The following NAALADL2 variants were observed in gnomAD, a reference collection of about 807,000 sequenced individuals.
NAALADL2 encodes inactive N-acetylated-alpha-linked acidic dipeptidase-like protein 2.
NAALADL2 carries 76 observed loss-of-function variants against 87.2 expected under a neutral mutation model. The observed-to-expected ratio is 0.87, with a 90% CI of 0.72 to 1.05. The LOEUF (loss-of-function observed/expected upper bound fraction) is 1.05, where lower values mean the gene tolerates loss of function less well. Ranked by LOEUF, NAALADL2 falls within the 50% of genes least tolerant of loss-of-function variation. The pLI is 0.00. For synonymous variants in NAALADL2, 354 were observed against 331.0 expected (o/e 1.07, Z -0.75); for missense variants, 1,089 against 945.8 (o/e 1.15, Z -1.99).
chr3:174,783,350 G>A (rs954409319), intron 3 of NAALADL2, among the ~76,000 whole-genome samples: 10 of 151,982 alleles, frequency 6.6e-5, no homozygotes, highest in African/African-American at 2.2e-4. Flanking sequence ...TGTTACAAGC[G>A]TATCCCGATG....
Position 174,650,627 on chromosome 3 carries a change from G to A in NAALADL2, c.-114-87014G>A, listed in dbSNP as rs972087724. 3.9e-5 allele frequency among the ~76,000 whole-genome samples: 6 copies of A among 152,196 alleles called. No homozygotes were observed. The East Asian group carries it at 7.7e-4, about 20-fold the overall frequency. ...TAACAGCAAATCAGTAGTTACGGTCGTAATTGTTAACTTGCTGAGAAATGA... is the reference window on the plus strand; with the variant it reads ...TAACAGCAAATCAGTAGTTACGGTCATAATTGTTAACTTGCTGAGAAATGA... On this transcript the variant is annotated intron_variant, in intron 2 of 3. Transcript: ENST00000434257.
intron 3 of NAALADL2, among the ~76,000 whole-genome samples, chr3:174,821,044 T>C (rs1237729221): frequency 6.6e-6 from 1 of 152,178 alleles, no homozygotes; most frequent in African/African-American, 2.4e-5. Flanking sequence ...CTTTCCAGTA[T>C]GACTGTGCTT....
chr3:174,812,628 G>T (rs915322584), intron 3 of NAALADL2, among the ~76,000 whole-genome samples: 15 of 152,124 alleles, frequency 9.9e-5, no homozygotes, highest in African/African-American at 3.6e-4. Flanking sequence ...AGAAGGCATT[G>T]TTTTCATAGG....
Position 174,755,647 on chromosome 3 carries a change from A to T in NAALADL2, c.-9+17901A>T, listed in dbSNP as rs1378811260. 2.0e-5 allele frequency among the ~76,000 whole-genome samples: 3 copies of T among 152,196 alleles called. No individual in the cohort carries two copies. In the South Asian group the frequency reaches 6.2e-4, roughly 32 times the overall value. On this transcript the variant is annotated intron_variant, in intron 3 of 3. Transcript: ENST00000434257. ...ACTGTAGTTTCTCGAGAGAAGAGGG[A>T]CACATTTCCTCTTTCCCAAAACTAT...
chr3:175,193,617 C>T (rs1257626458), intron 2 of NAALADL2, among the ~76,000 whole-genome samples: 1 of 151,874 alleles, frequency 6.6e-6, no homozygotes, highest in African/African-American at 2.4e-5. Context: ...CCATACCCCT[C>T]TACCTGTTTC....
chr3:174,592,080 T>C (rs569013923), intron 2 of NAALADL2, among the ~76,000 whole-genome samples: 4 of 152,260 alleles, frequency 2.6e-5, no homozygotes, highest in East Asian at 1.9e-4. Context: ...ATAGGTATAA[T>C]AGAACAATTC....
chr3:174,658,924 C>T (rs1488761232), intron 2 of NAALADL2, among the ~76,000 whole-genome samples: 1 of 152,140 alleles, frequency 6.6e-6, no homozygotes, highest in East Asian at 1.9e-4. Flanking sequence ...TAAGACTCCA[C>T]TATTATCTCT....
intron 11 of NAALADL2, among the ~76,000 whole-genome samples, chr3:175,677,864 T>C (rs1219518327): frequency 6.6e-6 from 1 of 152,208 alleles, no homozygotes. Flanking sequence ...TCTTACACAG[T>C]AGAAAAATTT....
At chr3:174,583,190 G>T (rs1173611821) in intron 2 of NAALADL2, among the ~76,000 whole-genome samples, 1 of 152,200 alleles carries the variant, frequency 6.6e-6, no homozygotes, top group African/African-American at 2.4e-5. Context: ...GGTAAGTGCT[G>T]CCAATTATAC....
intron 2 of NAALADL2, among the ~76,000 whole-genome samples, chr3:175,149,445 C>T (rs1048762606): frequency 1.3e-5 from 2 of 152,118 alleles, no homozygotes; most frequent in African/African-American, 4.8e-5. Flanking sequence ...AAACTCACAT[C>T]TCCTAATCAA....
At chr3:174,755,266 C>T (rs747154216) in intron 3 of NAALADL2, among the ~76,000 whole-genome samples, 16 of 152,132 alleles carry the variant, frequency 1.1e-4, no homozygotes, top group Non-Finnish European at 5.9e-5. Flanking sequence ...GCCTCGTCAG[C>T]CATGCTGAGC....
At chr3:175,265,169 A>T (rs1161043290) in intron 4 of NAALADL2, among the ~76,000 whole-genome samples, 1 of 151,676 alleles carries the variant, frequency 6.6e-6, no homozygotes, top group Admixed American at 6.6e-5. Context: ...CATTTGCTAA[A>T]TGGTAGAACC....
intron 9 of NAALADL2, among the ~76,000 whole-genome samples, chr3:175,558,871 T>C (rs1419059855): frequency 6.6e-6 from 1 of 152,186 alleles, no homozygotes; most frequent in Admixed American, 6.5e-5. Flanking sequence ...TCTTCCAGTT[T>C]TGTTCTTTTT....
At chr3:175,456,556 T>C (rs1722350980) in intron 6 of NAALADL2, among the ~76,000 whole-genome samples, 1 of 152,100 alleles carries the variant, frequency 6.6e-6, no homozygotes, top group Admixed American at 6.6e-5. Flanking sequence ...CGGTGAATTT[T>C]TTTTAAATCT....
intron 10 of NAALADL2, among the ~76,000 whole-genome samples, chr3:175,622,112 T>A (rs985486993): frequency 6.6e-5 from 10 of 152,200 alleles, no homozygotes; most frequent in Admixed American, 5.2e-4. Flanking sequence ...ATTCTTGAAA[T>A]TTTCTGATAT....
At chr3:175,241,089 T>G (rs1051120481) in intron 3 of NAALADL2, among the ~76,000 whole-genome samples, 19 of 152,226 alleles carry the variant, frequency 1.2e-4, no homozygotes, top group Admixed American at 2.6e-4. Context: ...AATGCAGCTG[T>G]TATTCATTTT....
At chr3:174,763,052 G>A (rs567482373) in intron 3 of NAALADL2, among the ~76,000 whole-genome samples, 6 of 152,034 alleles carry the variant, frequency 3.9e-5, no homozygotes, top group African/African-American at 1.4e-4. Context: ...ATTAATCAAT[G>A]TACAGTTACT....
intron 11 of NAALADL2, among the ~76,000 whole-genome samples, chr3:175,736,054 AG>A (rs1335034362): frequency 6.6e-6 from 1 of 152,180 alleles, no homozygotes; most frequent in Non-Finnish European, 1.5e-5. Context: ...CGTTAAGCCC[AG>A]GTAAATATTT....
chr3:175,059,664 G>T lies in NAALADL2; in HGVS notation c.44-37126G>T, dbSNP rs190500061. 8.8e-4 allele frequency: 303 copies of T among 344,770 alleles called. 3 individuals carry two copies. The highest frequency in any genetic ancestry group is 2.4e-4 in the Non-Finnish European group (43 of 181,548). 21.4% of individuals were successfully genotyped at this position (344,770 alleles called of 1,614,324 possible). A position where few individuals can be genotyped will look rare whatever the true frequency, so the allele number is the denominator to read the frequency against. On this transcript the variant is annotated intron_variant, in intron 1 of 13. Coordinates refer to ENST00000454872, the MANE Select transcript of NAALADL2 (RefSeq NM_207015.3). ...GCTTTCTTTGATTCATTCTGGGCAA[G>T]CCATTCTTCCATTAACCTCTTTGCT...
Sources: gnomAD v4.1 joint callset for allele counts (sites outside exome capture counted in the v4.1 genomes callset) on GRCh38, gnomAD v4.1.1 for gene constraint, MANE v1.5 for transcripts, NCBI Gene and HGNC (gene_info 2026-07-23, HGNC 2026-07-21) for gene names.